Variants in DAB1 observed in about 807,000 individuals in gnomAD.
DAB1 encodes the protein disabled homolog 1.
DAB1 carries 15 observed loss-of-function variants against 64.6 expected under a neutral mutation model. That is an observed-to-expected ratio of 0.23 (90% CI 0.16 to 0.36). The LOEUF is 0.36. Ranked by LOEUF, DAB1 falls within the 10% of genes least tolerant of loss-of-function variation. DAB1 has a pLI of 1.00. For missense variants in DAB1, 596 were observed against 706.7 expected, an observed-to-expected ratio of 0.84 and a Z score of 1.78; for synonymous variants, 235 against 251.9, an observed-to-expected ratio of 0.93 and a Z score of 0.64.
chr1:58,055,629 C>T (rs777254215), intron 5 of DAB1, among the ~76,000 whole-genome samples: 1 of 152,170 alleles, frequency 6.6e-6, no homozygotes, highest in African/African-American at 2.4e-5. Context: ...TGGACATATG[C>T]TAGATGCTCA....
chr1:58,370,961 A>T lies in DAB1; in HGVS notation n.258-27558T>A, dbSNP rs139161358. Among the ~76,000 whole-genome samples the T allele has an allele frequency of 4.9e-3, 753 of 152,326 alleles. 19 individuals carry two copies. The highest frequency in any genetic ancestry group is 0.041 in the Admixed American group (629 of 15,298). On this transcript the variant is annotated intron_variant and non_coding_transcript_variant, in intron 3 of 20. Coordinates refer to the DAB1 transcript ENST00000485760. The stretch of plus-strand genomic sequence containing the variant: ...TCAGGTATTTCTTTATAGCAGTGTG[A>T]AAACAGATTAATACAGAGAATGGAT...
chr1:58,134,675 T>G (rs1386131885), intron 5 of DAB1, among the ~76,000 whole-genome samples: 1 of 152,116 alleles, frequency 6.6e-6, no homozygotes, highest in Non-Finnish European at 1.5e-5. Context: ...GGGACGGTGA[T>G]ACACACTTTT....
chr1:57,928,025 T>C (rs990632338), intron 5 of DAB1, among the ~76,000 whole-genome samples: 2 of 152,202 alleles, frequency 1.3e-5, no homozygotes, highest in Non-Finnish European at 2.9e-5. Context: ...CATCTCAGTA[T>C]GAATATCATT....
rs1036219148 is a variant in DAB1, at chr1:58,232,223, G to A, written n.310-81635C>T. ...CACGTAGCTTCTAAAAGGCAAAAAT[G>A]ATTAAAGAGCTCTGGAAATATGAGA... On this transcript the variant is annotated intron_variant and non_coding_transcript_variant, in intron 4 of 20. Coordinates refer to the DAB1 transcript ENST00000485760. Among the ~76,000 whole-genome samples the A allele has an allele frequency of 7.2e-5, 11 of 152,116 alleles. 1 individual carries two copies. Among genetic ancestry groups the A allele is most frequent in the African/African-American group, 2.4e-4 (10 of 41,404 alleles).
chr1:58,225,593 A>T (rs1201358423), intron 4 of DAB1, among the ~76,000 whole-genome samples: 5 of 152,084 alleles, frequency 3.3e-5, no homozygotes, highest in Non-Finnish European at 5.9e-5. Context: ...CTGGATAAAG[A>T]AAATGTGGCA....
At chr1:57,303,182 G>A (rs1028259537) in intron 1 of DAB1, among the ~76,000 whole-genome samples, 4 of 152,150 alleles carry the variant, frequency 2.6e-5, no homozygotes, top group Admixed American at 6.5e-5. Context: ...CCTGGGATGG[G>A]GGTTATATAC....
intron 3 of DAB1, among the ~76,000 whole-genome samples, chr1:58,427,230 T>G (rs1435830363): frequency 2.0e-5 from 3 of 148,894 alleles, no homozygotes; most frequent in East Asian, 2.0e-4. Context: ...TGCAGTAGAG[T>G]GAGGAGGGGA....
intron 4 of DAB1, among the ~76,000 whole-genome samples, chr1:58,166,750 G>GA (rs1491505036): frequency 1.5e-5 from 2 of 134,956 alleles, no homozygotes; most frequent in Non-Finnish European, 3.2e-5. Flanking sequence ...TTGTTTGTTC[G>GA]TTTTTTTTTT....
chr1:58,484,659 A>G (rs1645544158), intron 3 of DAB1, among the ~76,000 whole-genome samples: 1 of 152,222 alleles, frequency 6.6e-6, no homozygotes, highest in South Asian at 2.1e-4. Flanking sequence ...AAACTTGGAA[A>G]TAACCAAGAT....
rs61672026 is a variant in DAB1, at chr1:57,985,647, G to GA, written n.388-101486dup. On this transcript the variant is annotated intron_variant and non_coding_transcript_variant, in intron 5 of 20. Coordinates refer to the DAB1 transcript ENST00000485760. ...TGACTCACAGTAGACCCTCAAGAAAGAAAAAAAAAAAATGGCTGTGAGTAT... is the reference window on the plus strand; with the variant it reads ...TGACTCACAGTAGACCCTCAAGAAAGAAAAAAAAAAAAATGGCTGTGAGTAT... Among the ~76,000 whole-genome samples the GA allele has an allele frequency of 2.2e-4, 33 of 149,934 alleles. 1 individual carries two copies. In the South Asian group the frequency reaches 3.0e-3, roughly 13 times the overall value.
chr1:57,999,739 G>A (rs1434788458), intron 5 of DAB1, among the ~76,000 whole-genome samples: 1 of 152,104 alleles, frequency 6.6e-6, no homozygotes, highest in Non-Finnish European at 1.5e-5. Flanking sequence ...TAGTGCTGAG[G>A]TTTAAGAAAC....
intron 3 of DAB1, among the ~76,000 whole-genome samples, chr1:58,350,895 C>T (rs933432795): frequency 1.3e-5 from 2 of 152,158 alleles, no homozygotes; most frequent in Admixed American, 6.5e-5. Flanking sequence ...TAGCATGATG[C>T]CTCCAGCTTT....
Position 57,268,853 on chromosome 1 carries a change from T to G in DAB1, c.67+22111A>C, listed in dbSNP as rs79078070. Among the ~76,000 whole-genome samples, 719 of 152,316 alleles carry G rather than the reference T, an allele frequency of 4.7e-3. 6 individuals carry two copies. The highest frequency in any genetic ancestry group is 0.016 in the African/African-American group (676 of 41,576). ...CTTGCCAGCTATTCACAGAATTTAA[T>G]GTAAGGAACCTTTACAATGGTGTTG... On this transcript the variant is annotated intron_variant, in intron 2 of 14. Transcript: ENST00000371236.
At position 57,789,984 on chromosome 1, in the gene DAB1, G is replaced by A. The variant is rs1415414365; in HGVS notation, n.551+94015C>T. Among the ~76,000 whole-genome samples the A allele has an allele frequency of 3.3e-5, 5 of 152,088 alleles. No homozygotes were observed. In the South Asian group the frequency reaches 8.3e-4, roughly 25 times the overall value. ...AGAACCTCACATATACACCTTCCCC[G>A]GTCAGCATTTGGATATATGGCTAAC... On this transcript the variant is annotated intron_variant and non_coding_transcript_variant, in intron 6 of 20. Transcript: ENST00000485760.
At chr1:57,696,722 C>A (rs1646850104) in intron 6 of DAB1, among the ~76,000 whole-genome samples, 1 of 152,136 alleles carries the variant, frequency 6.6e-6, no homozygotes, top group African/African-American at 2.4e-5. Context: ...GTGATCTTAC[C>A]CTTTCTAAAA....
At chr1:58,307,601 A>G (rs1416543042) in intron 4 of DAB1, among the ~76,000 whole-genome samples, 1 of 152,144 alleles carries the variant, frequency 6.6e-6, no homozygotes, top group Non-Finnish European at 1.5e-5. Flanking sequence ...ACACTGGTGA[A>G]TCATCCAGCT....
intron 5 of DAB1, among the ~76,000 whole-genome samples, chr1:58,112,441 T>C (rs1227248468): frequency 1.3e-5 from 2 of 152,218 alleles, no homozygotes; most frequent in Non-Finnish European, 2.9e-5. Context: ...ATTAGTTCTT[T>C]GAAAGCAGAG....
At chr1:58,013,404 C>T (rs548651548) in intron 5 of DAB1, among the ~76,000 whole-genome samples, 1 of 152,256 alleles carries the variant, frequency 6.6e-6, no homozygotes, top group African/African-American at 2.4e-5. Context: ...TTGTGTGATG[C>T]AGGACAGGAC....
chr1:57,801,655 T>A (rs1651128812), intron 6 of DAB1, among the ~76,000 whole-genome samples: 1 of 152,010 alleles, frequency 6.6e-6, no homozygotes, highest in African/African-American at 2.4e-5. Context: ...GGAATTTTTT[T>A]ATTTTTTTTT....
Sources: gnomAD v4.1 joint callset for allele counts (sites outside exome capture counted in the v4.1 genomes callset) on GRCh38, gnomAD v4.1.1 for gene constraint, MANE v1.5 for transcripts, NCBI Gene and HGNC (gene_info 2026-07-23, HGNC 2026-07-21) for gene names.